Variants in STEEP1 observed in about 807,000 individuals in gnomAD.
STEEP1 encodes STING ER exit protein.
A neutral mutation model predicts 19.2 loss-of-function variants in STEEP1; 3 were observed. That is an observed-to-expected ratio of 0.16 (90% CI 0.07 to 0.40). STEEP1 has a LOEUF of 0.40. STEEP1 is among the 10% of genes least tolerant of loss of function. The probability of loss-of-function intolerance (pLI) is 0.99; values close to 1 mark genes in which losing one functional copy is unlikely to be tolerated. For missense variants in STEEP1, 54 were observed against 177.1 expected, an observed-to-expected ratio of 0.30 and a Z score of 3.94; for synonymous variants, 46 against 63.7, an observed-to-expected ratio of 0.72 and a Z score of 1.32.
At position 119,562,589 on chromosome X, in the gene STEEP1, A is replaced by T. The variant is rs1330818304; in HGVS notation, c.125-2204T>A. Among the ~76,000 whole-genome samples, 10 of 90,866 alleles carry T rather than the reference A, an allele frequency of 1.1e-4. No homozygotes were observed. In the Admixed American group the frequency reaches 1.3e-3, roughly 11 times the overall value. The allele number at this position is 90,866 out of a possible 115,157, so 78.9% of individuals were successfully genotyped here. On this transcript the variant is annotated intron_variant, in intron 1 of 6. Coordinates refer to ENST00000644802, the MANE Select transcript of STEEP1 (RefSeq NM_022101.4). ...GTGGCAGGTGCCTGTAATCCCAGCT[A>T]CTCAAGAGAATCACTTGAACCTGGG...
intron 5 of STEEP1, among the ~76,000 whole-genome samples, chrX:119,542,050 CTTTTCTTTTTTTTTTT>C (rs1179163011): frequency 3.7e-5 from 2 of 53,798 alleles, no homozygotes; most frequent in African/African-American, 1.3e-4. Flanking sequence ...AGTTTCTTTT[CTTTTCTTTTTTTTTTT>C]TTTTTTTTTT....
At chrX:119,545,379 G>C in intron 3 of STEEP1, 84 bp downstream of exon 3, 1 of 575,359 alleles carries the variant, frequency 1.7e-6, no homozygotes, top group South Asian at 2.4e-5. Context: ...ACATAATGGA[G>C]AGTTGTATCC....
chrX:119,560,486 T>G (rs1248220212), intron 1 of STEEP1, 101 bp from the exon 2 acceptor site: 1 of 524,060 alleles, frequency 1.9e-6, no homozygotes, highest in South Asian at 2.9e-5. Flanking sequence ...TCCCTAGCAC[T>G]AGAATTTTCT....
intron 1 of STEEP1, 36 bp from the exon 2 acceptor site, chrX:119,560,421 G>A: frequency 2.8e-5 from 28 of 983,980 alleles, no homozygotes; most frequent in Non-Finnish European, 4.0e-5. Flanking sequence ...CTAGAGTCAT[G>A]GCAAAATATA....
At chrX:119,560,476 T>A in intron 1 of STEEP1, 91 bp from the exon 2 acceptor site, 2 of 557,049 alleles carry the variant, frequency 3.6e-6, no homozygotes, top group Non-Finnish European at 6.2e-6. Context: ...TTGAGTGGGA[T>A]CCCTAGCACT....
intron 2 of STEEP1, among the ~76,000 whole-genome samples, chrX:119,557,122 C>T (rs2053284443): frequency 1.1e-5 from 1 of 92,686 alleles, no homozygotes; most frequent in Admixed American, 1.3e-4. Context: ...CATCACTGCA[C>T]TCCAGCTTGG....
intron 2 of STEEP1, among the ~76,000 whole-genome samples, chrX:119,555,892 C>T (rs2053275147): frequency 9.0e-6 from 1 of 111,525 alleles, no homozygotes; most frequent in Admixed American, 9.6e-5. Flanking sequence ...CTGGTGTCAT[C>T]ATAAGAAGAA....
chrX:119,563,332 T>C (rs2053333788), intron 1 of STEEP1, among the ~76,000 whole-genome samples: 1 of 109,972 alleles, frequency 9.1e-6, no homozygotes, highest in Admixed American at 9.7e-5. Flanking sequence ...GTGGATCACT[T>C]GAGGTCAGGA....
rs1412288525 is a variant in STEEP1, at chrX:119,553,169, G to A, written c.242+7099C>T. 1.5e-4 allele frequency among the ~76,000 whole-genome samples: 8 copies of A among 52,748 alleles called. 1 individual carries two copies. Among genetic ancestry groups the A allele is most frequent in the Non-Finnish European group, 1.7e-4 (4 of 23,383 alleles). The allele number at this position is 52,748 out of a possible 115,157, so 45.8% of individuals were successfully genotyped here. A position where few individuals can be genotyped will look rare whatever the true frequency, so the allele number is the denominator to read the frequency against. On this transcript the variant is annotated intron_variant, in intron 2 of 6. Coordinates refer to ENST00000644802, the MANE Select transcript of STEEP1 (RefSeq NM_022101.4). ...ACTGTCTCAAAAAAAAAAAAAAAGT[G>A]GAAAACAGAAACGAAATCTCTGAGG... is the stretch of plus-strand genomic sequence containing the variant.
intron 5 of STEEP1, 66 bp downstream of exon 5, chrX:119,542,439 C>G: frequency 1.3e-6 from 1 of 799,955 alleles, no homozygotes; most frequent in South Asian, 2.1e-5. Flanking sequence ...GGCTCCCGCT[C>G]TAGAGTCCCC....
At chrX:119,551,215 T>TCA (rs2053239426) in intron 2 of STEEP1, among the ~76,000 whole-genome samples, 1 of 110,484 alleles carries the variant, frequency 9.1e-6, no homozygotes, top group Non-Finnish European at 1.9e-5. Context: ...GTGCGGCGGC[T>TCA]CACACCTGTA....
intron 1 of STEEP1, among the ~76,000 whole-genome samples, chrX:119,562,687 C>CA (rs199872289): frequency 1.4e-4 from 12 of 88,198 alleles, no homozygotes; most frequent in Non-Finnish European, 1.8e-4. Flanking sequence ...GACACTGTTT[C>CA]AAAAAAAAAA....
chrX:119,545,777 C>G (rs1412353087), intron 2 of STEEP1, among the ~76,000 whole-genome samples: 1 of 109,588 alleles, frequency 9.1e-6, no homozygotes, highest in East Asian at 2.9e-4. Context: ...CCTATAATCT[C>G]AGCTACTCGG....
chrX:119,558,984 A>G (rs1453610178), intron 2 of STEEP1, among the ~76,000 whole-genome samples: 12 of 110,740 alleles, frequency 1.1e-4, no homozygotes, highest in Non-Finnish European at 1.9e-4. Context: ...TGGGAGGCAG[A>G]GGCAGGTGGA....
Position 119,558,927 on chromosome X carries a change from CAG to C in STEEP1, c.242+1339_242+1340del, listed in dbSNP as rs1479973734. ...CCACATCACACCCCTGCTTAAAAAACAGAGATAGGCCGGGCGCAGTGGCTCAC... is the reference window on the plus strand; with the variant it reads ...CCACATCACACCCCTGCTTAAAAAACAGATAGGCCGGGCGCAGTGGCTCAC... On this transcript the variant is annotated intron_variant, in intron 2 of 6. Transcript: ENST00000644802. Among the ~76,000 whole-genome samples the C allele has an allele frequency of 5.4e-5, 6 of 110,975 alleles. No individual in the cohort carries two copies. In the Admixed American group the frequency reaches 5.9e-4, roughly 11 times the overall value.
chrX:119,538,950 AC>A lies in STEEP1; in HGVS notation c.*776del, dbSNP rs1476230732. 18 of 110,657 alleles carry A rather than the reference AC, an allele frequency of 1.6e-4. No individual in the cohort carries two copies. The highest frequency in any genetic ancestry group is 1.5e-3 in the Admixed American group (16 of 10,372). 9.1% of individuals were successfully genotyped at this position (110,657 alleles called of 1,213,427 possible). A position where few individuals can be genotyped will look rare whatever the true frequency, so the allele number is the denominator to read the frequency against. ...ATTCAAACCACAGCCAATTCCAAGA[AC>A]CCTTCTAAGAACAGAGACAGAGTCA... On this transcript the variant is annotated 3_prime_UTR_variant, in exon 7 of 7. Transcript: ENST00000644802.
intron 2 of STEEP1, among the ~76,000 whole-genome samples, chrX:119,555,490 T>C (rs1021077554): frequency 2.2e-4 from 24 of 111,162 alleles, no homozygotes; most frequent in Non-Finnish European, 3.6e-4. Context: ...AAGAATTTAA[T>C]TAAAGAAAGG....
chrX:119,555,372 C>G (rs945908957), intron 2 of STEEP1, among the ~76,000 whole-genome samples: 19 of 110,823 alleles, frequency 1.7e-4, no homozygotes, highest in Admixed American at 1.7e-3. Context: ...ACAATGATCC[C>G]TAAATGAAAT....
At chrX:119,551,552 C>T (rs887736777) in intron 2 of STEEP1, among the ~76,000 whole-genome samples, 1 of 110,529 alleles carries the variant, frequency 9.0e-6, no homozygotes, top group Non-Finnish European at 1.9e-5. Flanking sequence ...TCCAACTTAA[C>T]TGGCCAGGGC....
Sources: gnomAD v4.1 joint callset for allele counts (sites outside exome capture counted in the v4.1 genomes callset) on GRCh38, gnomAD v4.1.1 for gene constraint, MANE v1.5 for transcripts, NCBI Gene and HGNC (gene_info 2026-07-23, HGNC 2026-07-21) for gene names.